The following EYS variants were observed in gnomAD, a reference collection of about 807,000 sequenced individuals.
EYS encodes protein eyes shut homolog.
A neutral mutation model predicts 282.1 loss-of-function variants in EYS; 250 were observed. The ratio of observed to expected loss-of-function variants is 0.89; its 90% CI spans 0.80 to 0.98. EYS has a LOEUF of 0.98. Ranked by LOEUF, EYS falls within the 50% of genes least tolerant of loss-of-function variation. The pLI is 0.00. For missense variants in EYS, 4,016 were observed against 3,709.0 expected (o/e 1.08, Z -2.15); for synonymous variants, 1,355 against 1,282.9 (o/e 1.06, Z -1.20).
chr6:63,743,149 T>A (rs1010156043), intron 41 of EYS, among the ~76,000 whole-genome samples: 4 of 152,212 alleles, frequency 2.6e-5, no homozygotes, highest in Non-Finnish European at 5.9e-5. Flanking sequence ...TTGTCATTAT[T>A]TTTTAATTTT....
chr6:64,294,756 C>G (rs946669704), intron 30 of EYS, among the ~76,000 whole-genome samples: 1 of 152,040 alleles, frequency 6.6e-6, no homozygotes, highest in African/African-American at 2.4e-5. Flanking sequence ...AGTGGCACCA[C>G]CTGTACTAGA....
chr6:64,043,738 C>A (rs1431542644), intron 33 of EYS, among the ~76,000 whole-genome samples: 1 of 152,166 alleles, frequency 6.6e-6, no homozygotes, highest in Non-Finnish European at 1.5e-5. Context: ...CACTGTTTTG[C>A]TGTAGATTCA....
intron 19 of EYS, among the ~76,000 whole-genome samples, chr6:64,851,126 C>T (rs867026864): frequency 6.6e-6 from 1 of 151,908 alleles, no homozygotes. Flanking sequence ...AACATGGAAG[C>T]GACTGCACAT....
intron 13 of EYS, among the ~76,000 whole-genome samples, chr6:65,043,308 AC>A (rs974225247): frequency 1.3e-5 from 2 of 151,600 alleles, no homozygotes; most frequent in African/African-American, 4.8e-5. Context: ...CTTATAAATA[AC>A]ATAACTAAGT....
chr6:65,565,592 T>C (rs1038680160), intron 2 of EYS, among the ~76,000 whole-genome samples: 2 of 152,032 alleles, frequency 1.3e-5, no homozygotes, highest in African/African-American at 4.8e-5. Context: ...GCAATCCCAT[T>C]ACTGGGTATA....
intron 14 of EYS, among the ~76,000 whole-genome samples, chr6:64,962,818 C>T (rs1008931396): frequency 1.2e-4 from 18 of 151,836 alleles, no homozygotes; most frequent in African/African-American, 3.4e-4. Flanking sequence ...AATAGATTAC[C>T]GAAGAGTAAG....
intron 28 of EYS, among the ~76,000 whole-genome samples, 184 bp downstream of exon 28, chr6:64,435,990 A>G (rs1182315333): frequency 6.6e-6 from 1 of 151,942 alleles, no homozygotes; most frequent in African/African-American, 2.4e-5. Flanking sequence ...TGTAATCCCT[A>G]TAATATTCTT....
intron 12 of EYS, among the ~76,000 whole-genome samples, chr6:65,213,500 C>A (rs1766226816): frequency 6.6e-6 from 1 of 152,112 alleles, no homozygotes; most frequent in Non-Finnish European, 1.5e-5. Context: ...CACTTCATGT[C>A]TCTGTGTGAC....
At chr6:64,911,236 C>T (rs1388504907) in intron 16 of EYS, among the ~76,000 whole-genome samples, 2 of 152,222 alleles carry the variant, frequency 1.3e-5, no homozygotes, top group African/African-American at 2.4e-5. Context: ...GCATCAAATG[C>T]TCCCCTTGTA....
At chr6:64,974,951 A>G (rs1175332262) in intron 14 of EYS, among the ~76,000 whole-genome samples, 1 of 151,894 alleles carries the variant, frequency 6.6e-6, no homozygotes, top group African/African-American at 2.4e-5. Flanking sequence ...AGTTCATTTT[A>G]TACAAGAGTA....
intron 31 of EYS, among the ~76,000 whole-genome samples, chr6:64,105,204 T>G (rs1201071155): frequency 6.6e-6 from 1 of 152,020 alleles, no homozygotes; most frequent in Admixed American, 6.6e-5. Flanking sequence ...ATGGAAGAAT[T>G]ATAAACTAGA....
At chr6:64,859,056 C>T (rs1562229279) in intron 19 of EYS, among the ~76,000 whole-genome samples, 1 of 151,854 alleles carries the variant, frequency 6.6e-6, no homozygotes, top group East Asian at 1.9e-4. Context: ...TATTTGCTGG[C>T]CTGGTAATCT....
intron 35 of EYS, among the ~76,000 whole-genome samples, chr6:63,928,085 CAATGGTAT>C (rs1764770246): frequency 6.6e-6 from 1 of 152,158 alleles, no homozygotes; most frequent in Non-Finnish European, 1.5e-5. Context: ...GTCCTTTTCT[CAATGGTAT>C]AATGGTATAA....
intron 1 of EYS, among the ~76,000 whole-genome samples, chr6:65,651,737 C>T (rs994795316): frequency 6.6e-6 from 1 of 151,950 alleles, no homozygotes; most frequent in African/African-American, 2.4e-5. Context: ...ATCCAGTTCT[C>T]TCTTTTTCTG....
chr6:64,878,487 G>A (rs1238425536), intron 19 of EYS, among the ~76,000 whole-genome samples: 1 of 152,076 alleles, frequency 6.6e-6, no homozygotes, highest in Admixed American at 6.6e-5. Flanking sequence ...TAGAATAGTA[G>A]GCTAGGATAC....
At chr6:64,977,057 T>C (rs1770495133) in intron 14 of EYS, among the ~76,000 whole-genome samples, 1 of 151,818 alleles carries the variant, frequency 6.6e-6, no homozygotes, top group African/African-American at 2.4e-5. Context: ...CACGCTTGCC[T>C]AATTTTCGTA....
chr6:63,918,921 T>A (rs990507987), intron 35 of EYS, among the ~76,000 whole-genome samples: 10 of 152,202 alleles, frequency 6.6e-5, no homozygotes, highest in Non-Finnish European at 1.5e-4. Context: ...CAGGAGTGGC[T>A]GCTCCAGTCC....
At chr6:64,968,491 A>T (rs2150109833) in intron 14 of EYS, among the ~76,000 whole-genome samples, 1 of 152,254 alleles carries the variant, frequency 6.6e-6, no homozygotes, top group Non-Finnish European at 1.5e-5. Flanking sequence ...TTGTATATTC[A>T]CTCAAAAATA....
At position 64,590,753 on chromosome 6, in the gene EYS, C is replaced by T. The variant is rs1260159911; in HGVS notation, c.5114G>A (p.Arg1705Lys). Residue 1705 changes from arginine to lysine, a missense_variant, in exon 26 of 43, where the codon AGA becomes AAA. Arg to Lys is a conservative substitution (Grantham distance 26). Coordinates refer to ENST00000503581, the MANE Select transcript of EYS (RefSeq NM_001142800.2). ...GGGTCCCATAGTTATGCCATATTGT[C>T]TTATTTTCAATAGTTTTAAAATGTT... Reference protein sequence around the residue: ...SENILKLLKIRQYGITMGPTE... With the variant: ...SENILKLLKIKQYGITMGPTE... 6.4e-7 allele frequency: 1 copy of T among 1,550,878 alleles called. No individual in the cohort carries two copies. The highest frequency in any genetic ancestry group is 2.4e-5 in the East Asian group (1 of 40,872).
Sources: allele counts gnomAD v4.1 joint callset (sites outside exome capture counted in the v4.1 genomes callset), GRCh38; gene constraint gnomAD v4.1.1; transcripts MANE v1.5; gene names NCBI Gene and HGNC (gene_info 2026-07-23, HGNC 2026-07-21).